The following MAGI2 variants were observed in gnomAD, a reference collection of about 807,000 sequenced individuals.
MAGI2 encodes membrane-associated guanylate kinase, WW and PDZ domain-containing protein 2.
MAGI2 carries 35 observed loss-of-function variants against 133.3 expected under a neutral mutation model. The ratio of observed to expected loss-of-function variants is 0.26; its 90% CI spans 0.20 to 0.35. MAGI2 has a LOEUF of 0.35. Ranked by LOEUF, MAGI2 falls within the 10% of genes least tolerant of loss-of-function variation. The pLI is 1.00. For synonymous variants in MAGI2, 729 were observed against 710.6 expected (o/e 1.03, Z -0.41); for missense variants, 1,636 against 1,863.4 (o/e 0.88, Z 2.25).
At chr7:78,796,213 G>GA (rs1269961522) in intron 2 of MAGI2, among the ~76,000 whole-genome samples, 2 of 152,024 alleles carry the variant, frequency 1.3e-5, no homozygotes, top group African/African-American at 4.8e-5. Context: ...CAGAATGGGA[G>GA]AAAATATTTG....
intron 3 of MAGI2, among the ~76,000 whole-genome samples, chr7:78,600,724 C>T (rs1044220571): frequency 6.6e-5 from 10 of 151,796 alleles, no homozygotes; most frequent in African/African-American, 2.4e-4. Context: ...TGATTACACA[C>T]GAGGGGAGGT....
rs1839024936 is a variant in MAGI2 at position 79,319,744 on chromosome 7, T to G, written c.301+133276A>C. ...TTCTACCATCTTAAAACTAATTTTA[T>G]TTTGCTCTTCCTGTTAAATGAAGTC... On this transcript the variant is annotated intron_variant, in intron 1 of 21. Coordinates refer to ENST00000354212, the MANE Select transcript of MAGI2 (RefSeq NM_012301.4). Among the ~76,000 whole-genome samples, 3 of 152,218 alleles carry G rather than the reference T, an allele frequency of 2.0e-5. No homozygotes were observed. The South Asian group carries it at 6.3e-4, about 32-fold the overall frequency.
intron 1 of MAGI2, among the ~76,000 whole-genome samples, chr7:79,318,138 T>C (rs1585551056): frequency 6.6e-6 from 1 of 152,116 alleles, no homozygotes; most frequent in Admixed American, 6.6e-5. Flanking sequence ...CTATCATCTA[T>C]ACACTGAGGA....
chr7:78,409,765 T>G (rs914601578), intron 6 of MAGI2, among the ~76,000 whole-genome samples: 1 of 152,058 alleles, frequency 6.6e-6, no homozygotes, highest in Non-Finnish European at 1.5e-5. Context: ...ACATGTTTCT[T>G]GAAGGAAGCT....
chr7:78,946,124 T>A (rs1801397486), intron 2 of MAGI2, among the ~76,000 whole-genome samples: 2 of 152,162 alleles, frequency 1.3e-5, no homozygotes, highest in Admixed American at 1.3e-4. Flanking sequence ...TATTTTAAAT[T>A]GTTGTGAGAT....
rs558976806 is a variant in MAGI2 at position 78,623,968 on chromosome 7, A to G, written c.538+3152T>C. Among the ~76,000 whole-genome samples, 4 of 152,182 alleles carry G rather than the reference A, an allele frequency of 2.6e-5. No homozygotes were observed. In the East Asian group the frequency reaches 7.7e-4, roughly 29 times the overall value. On this transcript the variant is annotated intron_variant, in intron 3 of 21. Coordinates refer to ENST00000354212, the MANE Select transcript of MAGI2 (RefSeq NM_012301.4). The stretch of plus-strand genomic sequence containing the variant: ...AACCTACCGTTCTATCAATTGTATA[A>G]AAGTACAGCAACCTCACTAGCATCT...
At chr7:78,041,402 G>A (rs1810825003) in intron 21 of MAGI2, among the ~76,000 whole-genome samples, 1 of 152,226 alleles carries the variant, frequency 6.6e-6, no homozygotes, top group Non-Finnish European at 1.5e-5. Context: ...GGCACCAGGT[G>A]TGGTGGCTTA....
At chr7:78,481,577 G>C (rs1792377856) in intron 6 of MAGI2, among the ~76,000 whole-genome samples, 1 of 151,774 alleles carries the variant, frequency 6.6e-6, no homozygotes, top group South Asian at 2.1e-4. Flanking sequence ...TCAAGACAGT[G>C]TGGTACAAGT....
chr7:79,143,149 G>T (rs185351053), intron 1 of MAGI2, among the ~76,000 whole-genome samples: 284 of 152,222 alleles, frequency 1.9e-3, no homozygotes, highest in Non-Finnish European at 3.4e-3. Context: ...TGTTTAATCA[G>T]TATACATAGT....
chr7:79,237,247 G>C (rs548144592), intron 1 of MAGI2, among the ~76,000 whole-genome samples: 1 of 152,270 alleles, frequency 6.6e-6, no homozygotes, highest in South Asian at 2.1e-4. Flanking sequence ...TGTAATCCCA[G>C]CACTTTGGGA....
At chr7:78,816,186 C>A (rs1357578917) in intron 2 of MAGI2, among the ~76,000 whole-genome samples, 1 of 152,134 alleles carries the variant, frequency 6.6e-6, no homozygotes, top group Non-Finnish European at 1.5e-5. Flanking sequence ...AAGCCTAATC[C>A]AGAGCAAAAC....
At chr7:78,436,837 G>A (rs1800335916) in intron 6 of MAGI2, among the ~76,000 whole-genome samples, 1 of 152,156 alleles carries the variant, frequency 6.6e-6, no homozygotes, top group South Asian at 2.1e-4. Flanking sequence ...GACTTTCAAA[G>A]CCCAGATCCA....
At chr7:79,419,326 G>T (rs1846769945) in intron 1 of MAGI2, among the ~76,000 whole-genome samples, 2 of 152,106 alleles carry the variant, frequency 1.3e-5, no homozygotes, top group South Asian at 4.2e-4. Context: ...ATCATAGAAT[G>T]CAGGACAACA....
chr7:79,006,262 A>C (rs1807438875), intron 2 of MAGI2, among the ~76,000 whole-genome samples: 1 of 152,132 alleles, frequency 6.6e-6, no homozygotes, highest in Admixed American at 6.6e-5. Context: ...CATAGCTTTG[A>C]ATTTATTTAG....
At chr7:79,114,802 G>C (rs1235468690) in intron 1 of MAGI2, among the ~76,000 whole-genome samples, 2 of 152,144 alleles carry the variant, frequency 1.3e-5, no homozygotes, top group African/African-American at 2.4e-5. Context: ...CTGCTTGTTA[G>C]TGGCAAAGTG....
intron 2 of MAGI2, among the ~76,000 whole-genome samples, chr7:78,948,936 T>C (rs529550354): frequency 6.6e-6 from 1 of 152,234 alleles, no homozygotes; most frequent in South Asian, 2.1e-4. Flanking sequence ...CTAAATTGTA[T>C]ACTGAATTCT....
intron 2 of MAGI2, among the ~76,000 whole-genome samples, chr7:79,000,019 T>A (rs576898986): frequency 7.2e-5 from 11 of 152,306 alleles, no homozygotes; most frequent in African/African-American, 2.6e-4. Flanking sequence ...TTTGAGGCAA[T>A]AAGATTAATG....
At chr7:79,009,809 C>A (rs1435031079) in intron 1 of MAGI2, among the ~76,000 whole-genome samples, 1 of 152,058 alleles carries the variant, frequency 6.6e-6, no homozygotes, top group Non-Finnish European at 1.5e-5. Context: ...AGTGAAGTGA[C>A]AAGCACAAGG....
intron 7 of MAGI2, among the ~76,000 whole-genome samples, chr7:78,364,816 T>C (rs1468573236): frequency 6.6e-6 from 1 of 152,224 alleles, no homozygotes; most frequent in African/African-American, 2.4e-5. Flanking sequence ...ATTTTGCATA[T>C]TGTTATTAAA....
Sources: allele counts gnomAD v4.1 joint callset (sites outside exome capture counted in the v4.1 genomes callset), GRCh38; gene constraint gnomAD v4.1.1; transcripts MANE v1.5; gene names NCBI Gene and HGNC (gene_info 2026-07-23, HGNC 2026-07-21).